ZNF587: variants seen among roughly 807,000 people sequenced by gnomAD.
The protein encoded by ZNF587 is zinc finger protein 587, also known as zinc finger protein zfp6.
ZNF587 carries 8 observed loss-of-function variants against 7.5 expected under a neutral mutation model. The ratio of observed to expected loss-of-function variants is 1.06; its 90% confidence interval spans 0.62 to 1.92. ZNF587 has a LOEUF of 1.92. Ranked by LOEUF, ZNF587 falls within the 40% of genes most tolerant of loss-of-function variation. ZNF587 has a pLI of 0.00. For synonymous variants in ZNF587, 145 were observed against 237.8 expected (o/e 0.61, Z 3.59); for missense variants, 468 against 692.8 (o/e 0.68, Z 3.64).
chr19:57,863,190 C>G lies in ZNF587; in HGVS notation c.*3050C>G, dbSNP rs2071458673. On this transcript the variant is annotated 3_prime_UTR_variant, in exon 3 of 3. Transcript: ENST00000339656. ...GGAGTGCCGTGTCGCAATCTCAGCT[C>G]ACTGCAACTTCTACCTCCTGGATTC... is the stretch of plus-strand genomic sequence containing the variant. The G allele has an allele frequency of 6.6e-6, 1 of 152,276 alleles. No homozygotes were observed. Among genetic ancestry groups the G allele is most frequent in the Non-Finnish European group, 1.5e-5 (1 of 68,080 alleles). The allele number at this position is 152,276 out of a possible 1,614,324, so 9.4% of individuals were successfully genotyped here. A position where few individuals can be genotyped will look rare whatever the true frequency, so the allele number is the denominator to read the frequency against.
rs765920721 is a variant in ZNF587 at position 57,850,079 on chromosome 19, T to A, written c.33+8T>A. On this transcript the variant is annotated splice_region_variant and intron_variant, in intron 1 of 2. Transcript: ENST00000339656. ...CCGAGGCGCCCAACTCAGGTAATTG[T>A]GGTGCCTTCTGTGCCCTCAGGTCAC... The A allele has an allele frequency of 1.2e-6, 2 of 1,614,030 alleles. No homozygotes were observed. The highest frequency in any genetic ancestry group is 1.7e-6 in the Non-Finnish European group (2 of 1,180,044).
intron 1 of ZNF587, chr19:57,853,990 G>A (rs1035186670): frequency 6.6e-6 from 1 of 152,218 alleles, no homozygotes; most frequent in African/African-American, 2.4e-5. Flanking sequence ...TCCTGACCGG[G>A]TGATCTGCCT....
rs575642859 is a variant in ZNF587, at chr19:57,860,322, G to A, written c.*182G>A. ...CTTGTTCTGTCACCCAGGCTGGAGT[G>A]CAGTGGTGCAGTCTTGGCTCGCTGC... On this transcript the variant is annotated 3_prime_UTR_variant, in exon 3 of 3. Transcript: ENST00000339656. 2.5e-6 allele frequency: 3 copies of A among 1,197,218 alleles called. No homozygotes were observed. The highest frequency in any genetic ancestry group is 2.3e-6 in the Non-Finnish European group (2 of 852,706). The allele number at this position is 1,197,218 out of a possible 1,614,324, so 74.2% of individuals were successfully genotyped here.
Position 57,860,400 on chromosome 19 carries a change from CTG to C in ZNF587, c.*261_*262del. ...CCTCCTACCTCAGCCTCCTGAGTAG[CTG>C]GGATTATGAGTACACACCACCACGC... On this transcript the variant is annotated 3_prime_UTR_variant, in exon 3 of 3. Coordinates refer to ENST00000339656, the MANE Select transcript of ZNF587 (RefSeq NM_032828.4). 1.7e-6 allele frequency: 1 copy of C among 581,538 alleles called. No homozygotes were observed. Among genetic ancestry groups the C allele is most frequent in the South Asian group, 2.1e-5 (1 of 48,528 alleles). The allele number at this position is 581,538 out of a possible 1,614,324, so 36.0% of individuals were successfully genotyped here.
At chr19:57,853,658 A>C (rs2071312320) in intron 1 of ZNF587, 1 of 152,212 alleles carries the variant, frequency 6.6e-6, no homozygotes, top group Non-Finnish European at 1.5e-5. Flanking sequence ...AGACATCCAA[A>C]GAGATAATAG....
At chr19:57,856,951 A>ACATAGAC (rs964959593) in intron 2 of ZNF587, 2 of 151,756 alleles carry the variant, frequency 1.3e-5, no homozygotes, top group African/African-American at 2.4e-5. Context: ...GTCACTACCT[A>ACATAGAC]CATAGACCAT....
chr19:57,859,323 C>A lies in ZNF587; in HGVS notation c.911C>A (p.Ser304Tyr). 2.5e-6 allele frequency: 4 copies of A among 1,598,278 alleles called. No individual in the cohort carries two copies. Among genetic ancestry groups the A allele is most frequent in the Non-Finnish European group, 3.4e-6 (4 of 1,172,438 alleles). Residue 304 changes from serine to tyrosine, a missense_variant, in exon 3 of 3, where the codon TCT (serine) becomes TAT (tyrosine). By Grantham distance (144) the Ser-to-Tyr change is moderately radical. This residue lies in a region of ZNF587 where 310 missense variants were observed against 325.6 expected (regional missense o/e 0.95). Transcript: ENST00000339656. ...TAYPCEECGK[S>Y]FSQKGSLISH... The stretch of plus-strand genomic sequence containing the variant: ...TATCCCTGTGAGGAGTGCGGGAAAT[C>A]TTTTAGTCAGAAGGGCAGCCTTATT...
In ZNF587 at chr19:57,863,675, C is replaced by T. The variant is rs1345004645; in HGVS notation, c.*3535C>T. On this transcript the variant is annotated 3_prime_UTR_variant, in exon 3 of 3. Transcript: ENST00000339656. ...ATACAAGAGTTAAGACTTCCTGTCC[C>T]GTTTAGTGTAACAAAAGAAAGTTAA... 5.9e-5 allele frequency: 9 copies of T among 152,006 alleles called. No homozygotes were observed. Among genetic ancestry groups the T allele is most frequent in the Admixed American group, 2.6e-4 (4 of 15,242 alleles). The allele number at this position is 152,006 out of a possible 1,614,324, so 9.4% of individuals were successfully genotyped here.
At chr19:57,857,388 G>C (rs2071371534) in intron 2 of ZNF587, 1 of 152,086 alleles carries the variant, frequency 6.6e-6, no homozygotes, top group South Asian at 2.1e-4. Context: ...TTTCTGCAGT[G>C]ATATCCACCC....
At chr19:57,857,401 G>C (rs1226373170) in intron 2 of ZNF587, 1 of 152,024 alleles carries the variant, frequency 6.6e-6, no homozygotes, top group African/African-American at 2.4e-5. Flanking sequence ...ATCCACCCCA[G>C]CACTAATACT....
intron 1 of ZNF587, 102 bp downstream of exon 1, chr19:57,850,173 G>T (rs1236021266): frequency 3.1e-6 from 5 of 1,607,862 alleles, no homozygotes; most frequent in South Asian, 1.1e-5. Context: ...GCCGGTACCC[G>T]GCGTAGGAAC....
At position 57,856,238 on chromosome 19, in the gene ZNF587, G is replaced by A; in HGVS notation, c.163+5G>A. 1 of 1,566,862 alleles carries A rather than the reference G, an allele frequency of 6.4e-7. No homozygotes were observed. On this transcript the variant is annotated splice_donor_5th_base_variant and intron_variant, in intron 2 of 2. Coordinates refer to ENST00000339656, the MANE Select transcript of ZNF587 (RefSeq NM_032828.4). The stretch of plus-strand genomic sequence containing the variant: ...TGGCTCTCATATCCTCGCTGGGTAA[G>A]TTGCTCACGCTCACCTTTGTGACCT...
intron 2 of ZNF587, among the ~76,000 whole-genome samples, chr19:57,857,614 GTATATA>G (rs148150934): frequency 1.3e-5 from 2 of 150,762 alleles, no homozygotes; most frequent in Non-Finnish European, 3.0e-5. Context: ...GTGTGTATGT[GTATATA>G]TATATATGTG....
At chr19:57,856,582 T>G (rs2071359122) in intron 2 of ZNF587, among the ~76,000 whole-genome samples, 1 of 151,936 alleles carries the variant, frequency 6.6e-6, no homozygotes, top group Admixed American at 6.6e-5. Context: ...TAATTTTTTT[T>G]GTTTTTTAGT....
chr19:57,864,003 A>G lies in ZNF587; in HGVS notation c.*3863A>G, dbSNP rs2071472077. 6.7e-6 allele frequency: 1 copy of G among 149,068 alleles called. No homozygotes were observed. Among genetic ancestry groups the G allele is most frequent in the Non-Finnish European group, 1.5e-5 (1 of 67,474 alleles). 9.2% of individuals were successfully genotyped at this position (149,068 alleles called of 1,614,324 possible). A position where few individuals can be genotyped will look rare whatever the true frequency, so the allele number is the denominator to read the frequency against. On this transcript the variant is annotated 3_prime_UTR_variant, in exon 3 of 3. Coordinates refer to ENST00000339656, the MANE Select transcript of ZNF587 (RefSeq NM_032828.4). ...AGGTGCACTGAGCCAATATCACACC[A>G]GTGCACTCCAACCTGGTGACAGAGA...
intron 1 of ZNF587, chr19:57,850,297 A>T (rs529933006): frequency 1.4e-6 from 1 of 690,024 alleles, no homozygotes; most frequent in Admixed American, 2.9e-5. Flanking sequence ...AGAAATAGTA[A>T]TTCACGCAGA....
rs558362258 is a variant in ZNF587, at chr19:57,854,424, T to C, written c.34-1680T>C. On this transcript the variant is annotated intron_variant, in intron 1 of 2. Coordinates refer to ENST00000339656, the MANE Select transcript of ZNF587 (RefSeq NM_032828.4). Reference sequence around the variant, plus strand: ...GTTAATATTGGATGCTATTTGTATTTGTCAAGCATAGTCTGGATGCTTATC... The same window carrying C: ...GTTAATATTGGATGCTATTTGTATTCGTCAAGCATAGTCTGGATGCTTATC... Among the ~76,000 whole-genome samples, 4 of 152,244 alleles carry C rather than the reference T, an allele frequency of 2.6e-5. No individual in the cohort carries two copies. In the South Asian group the frequency reaches 6.2e-4, roughly 24 times the overall value.
chr19:57,851,265 C>T (rs764811196), intron 1 of ZNF587: 1 of 152,146 alleles, frequency 6.6e-6, no homozygotes, highest in Non-Finnish European at 1.5e-5. Context: ...AATTTCTATT[C>T]TTGTAGCTAA....
At chr19:57,858,028 A>C (rs2071385622) in intron 2 of ZNF587, 1 of 153,270 alleles carries the variant, frequency 6.5e-6, no homozygotes, top group African/African-American at 2.5e-5. Flanking sequence ...CCCTGCCTCT[A>C]CTCCCTGTGT....
Sources: gnomAD v4.1 joint callset for allele counts (sites outside exome capture counted in the v4.1 genomes callset) on GRCh38, gnomAD v4.1.1 for gene constraint, gnomAD v4.1.1 regional missense constraint, MANE v1.5 for transcripts, NCBI Gene and HGNC (gene_info 2026-07-23, HGNC 2026-07-21) for gene names.